The following PDZD2 variants were observed in gnomAD, a reference collection of about 807,000 sequenced individuals.
PDZD2 encodes the protein PDZ domain-containing protein 2.
In PDZD2, 90 loss-of-function variants were observed where a neutral mutation model predicts 220.7. That is an observed-to-expected ratio of 0.41 (90% CI 0.34 to 0.49). The LOEUF is 0.49. Ranked by LOEUF, PDZD2 falls within the 20% of genes least tolerant of loss-of-function variation. The probability of loss-of-function intolerance (pLI) is 0.28; values close to 1 mark genes in which losing one functional copy is unlikely to be tolerated. For missense variants in PDZD2, 3,174 were observed against 3,608.5 expected (o/e 0.88, Z 3.08); for synonymous variants, 1,375 against 1,450.5 (o/e 0.95, Z 1.18).
intron 2 of PDZD2, among the ~76,000 whole-genome samples, chr5:31,878,168 A>G (rs964423766): frequency 2.0e-5 from 3 of 152,144 alleles, no homozygotes; most frequent in African/African-American, 7.2e-5. Context: ...AGCACCTCAC[A>G]TGCTCAGATT....
intron 2 of PDZD2, among the ~76,000 whole-genome samples, chr5:31,819,278 G>A (rs1248002840): frequency 4.6e-5 from 7 of 152,160 alleles, no homozygotes; most frequent in Non-Finnish European, 1.0e-4. Context: ...CAGCTGTATA[G>A]TATCCCACTG....
intron 1 of PDZD2, among the ~76,000 whole-genome samples, chr5:31,705,197 CACACACACACACAT>C (rs774737824): frequency 0.14 from 10,901 of 79,856 alleles, 543 homozygotes; most frequent in South Asian, 0.24. Flanking sequence ...CACACACACA[CACACACACACACAT>C]ACACACTCAC....
Position 31,763,434 on chromosome 5 carries a change from G to A in PDZD2, c.-360-35455G>A, listed in dbSNP as rs148734716. Reference sequence around the variant, plus strand: ...ACCCACAAGAAATAAAGAAACTCATGAACCTCAACAAAATAACCACCTACC... The same window carrying A: ...ACCCACAAGAAATAAAGAAACTCATAAACCTCAACAAAATAACCACCTACC... On this transcript the variant is annotated intron_variant, in intron 1 of 24. Coordinates refer to ENST00000438447, the MANE Select transcript of PDZD2 (RefSeq NM_178140.4). Among the ~76,000 whole-genome samples, 81 of 152,266 alleles carry A rather than the reference G, an allele frequency of 5.3e-4. No individual in the cohort carries two copies. The East Asian group carries it at 0.013, about 25-fold the overall frequency.
At chr5:31,904,229 T>A (rs1435474265) in intron 2 of PDZD2, among the ~76,000 whole-genome samples, 1 of 152,218 alleles carries the variant, frequency 6.6e-6, no homozygotes, top group East Asian at 1.9e-4. Context: ...AAATTACAAG[T>A]TGCTGAAGGT....
intron 1 of PDZD2, among the ~76,000 whole-genome samples, chr5:31,708,706 G>A (rs566944784): frequency 1.7e-4 from 26 of 152,248 alleles, no homozygotes; most frequent in African/African-American, 5.5e-4. Context: ...TGTGCAACAC[G>A]ATGGTCTGAG....
rs201164992 is a variant in PDZD2 at position 31,915,676 on chromosome 5, A to AT, written c.477-67470dup. ...AATTCTGATTTGTGTGTATGTGTTAATTTTTTTTTCAAACACTTAACTCTT... is the reference window on the plus strand; with the variant it reads ...AATTCTGATTTGTGTGTATGTGTTAATTTTTTTTTTCAAACACTTAACTCTT... On this transcript the variant is annotated intron_variant, in intron 2 of 24. Transcript: ENST00000438447. Among the ~76,000 whole-genome samples the AT allele has an allele frequency of 2.2e-4, 34 of 151,686 alleles. No individual in the cohort carries two copies. The East Asian group carries it at 6.4e-3, about 28-fold the overall frequency.
intron 2 of PDZD2, among the ~76,000 whole-genome samples, chr5:31,873,647 C>T (rs763203493): frequency 4.0e-5 from 6 of 151,768 alleles, no homozygotes; most frequent in Non-Finnish European, 7.4e-5. Flanking sequence ...AGCGATCCGC[C>T]TGCCTTGGCC....
At chr5:31,886,696 CTG>C (rs1740514212) in intron 2 of PDZD2, among the ~76,000 whole-genome samples, 3 of 122,878 alleles carry the variant, frequency 2.4e-5, no homozygotes, top group African/African-American at 1.2e-4. Context: ...GCACTTGTCT[CTG>C]TCTCTTTTTT....
chr5:31,997,786 G>A (rs930122921), intron 4 of PDZD2, among the ~76,000 whole-genome samples: 1 of 152,158 alleles, frequency 6.6e-6, no homozygotes, highest in African/African-American at 2.4e-5. Context: ...GGGCATTTTA[G>A]TTAGTAACAG....
chr5:32,059,263 G>C lies in PDZD2; in HGVS notation c.2225G>C (p.Gly742Ala). The C allele has an allele frequency of 6.2e-7, 1 of 1,611,540 alleles. No homozygotes were observed. Among genetic ancestry groups the C allele is most frequent in the Non-Finnish European group, 8.5e-7 (1 of 1,177,638 alleles). Residue 742 changes from glycine (G) to alanine (A), a missense_variant, in exon 13 of 25, where the codon GGT becomes GCT. Physicochemically the swap from Gly to Ala is moderately conservative, Grantham distance 60 (BLOSUM62 0). Around this residue, in one of 4 missense-constraint regions of PDZD2, gnomAD observed 1,861 missense variants for 2,001.0 expected, o/e 0.93. Transcript: ENST00000438447. ...NKEPRVGLGIGACCLALENSP... is the reference protein window; with the variant it reads ...NKEPRVGLGIAACCLALENSP... ...GAGCCAAGAGTTGGATTAGGCATTG[G>C]TGCCTGCTGCTTGGCTCTGGAAAAC...
At chr5:31,724,328 C>T (rs879315113) in intron 1 of PDZD2, among the ~76,000 whole-genome samples, 13 of 152,082 alleles carry the variant, frequency 8.5e-5, no homozygotes, top group Admixed American at 2.6e-4. Flanking sequence ...AAAGGCCGGG[C>T]GCAGTGGCTC....
At position 31,888,686 on chromosome 5, in the gene PDZD2, A is replaced by T. The variant is rs149065395; in HGVS notation, c.476+88962A>T. Among the ~76,000 whole-genome samples the T allele has an allele frequency of 2.6e-5, 4 of 152,328 alleles. No individual in the cohort carries two copies. The East Asian group carries it at 7.7e-4, about 29-fold the overall frequency. On this transcript the variant is annotated intron_variant, in intron 2 of 24. Transcript: ENST00000438447. Reference sequence around the variant, plus strand: ...TTACTATGTCCTAAACACAGAGGGTAATCAATAACCAACTGTTGAGGATGT... The same window carrying T: ...TTACTATGTCCTAAACACAGAGGGTTATCAATAACCAACTGTTGAGGATGT...
intron 3 of PDZD2, among the ~76,000 whole-genome samples, chr5:31,985,156 T>A (rs1034923841): frequency 4.6e-5 from 7 of 152,000 alleles, no homozygotes; most frequent in Non-Finnish European, 8.8e-5. Flanking sequence ...TCTTCCAAAT[T>A]AAGGGCAGTG....
intron 2 of PDZD2, among the ~76,000 whole-genome samples, chr5:31,974,809 T>C (rs1236003305): frequency 2.0e-5 from 3 of 152,110 alleles, no homozygotes; most frequent in South Asian, 2.1e-4. Flanking sequence ...GCCAGCACTT[T>C]GGGAGGCCAA....
In PDZD2 at chr5:31,956,533, T is replaced by C. The variant is rs1483727423; in HGVS notation, c.477-26622T>C. ...CTGCACTCCAGCCTGGGCGACAGAG[T>C]GAGACTCTGTCTCAAAAAAAAAAAA... is the stretch of plus-strand genomic sequence containing the variant. On this transcript the variant is annotated intron_variant, in intron 2 of 24. Coordinates refer to ENST00000438447, the MANE Select transcript of PDZD2 (RefSeq NM_178140.4). 4.7e-4 allele frequency among the ~76,000 whole-genome samples: 54 copies of C among 114,140 alleles called. 1 individual carries two copies. The highest frequency in any genetic ancestry group is 1.1e-3 in the Admixed American group (12 of 11,096). The allele number at this position is 114,140 out of a possible 152,430, so 74.9% of individuals were successfully genotyped here. A position where few individuals can be genotyped will look rare whatever the true frequency, so the allele number is the denominator to read the frequency against.
chr5:31,745,267 A>G (rs1368837718), intron 1 of PDZD2, among the ~76,000 whole-genome samples: 1 of 152,170 alleles, frequency 6.6e-6, no homozygotes, highest in Non-Finnish European at 1.5e-5. Context: ...AAAGGGGTAT[A>G]AAGACCAATA....
Position 32,090,848 on chromosome 5 carries a change from C to A in PDZD2, c.7400C>A (p.Ser2467Tyr). The change falls in exon 20 of 25, where the codon TCC (serine) becomes TAC (tyrosine). Residue 2467 changes from serine (S) to tyrosine (Y), a missense_variant. Coordinates refer to ENST00000438447, the MANE Select transcript of PDZD2 (RefSeq NM_178140.4). The surrounding 1 kb of genome is among the most constrained non-coding windows in gnomAD (Gnocchi z 4.3). ...TLASPVKRNK[S>Y]SVRHTQPSPV... ...GCTTCTCCTGTTAAGAGGAACAAGT[C>A]CTCGGTACGCCACACGCAGCCCTCG... 1 of 1,614,086 alleles carries A rather than the reference C, an allele frequency of 6.2e-7. No homozygotes were observed. Among genetic ancestry groups the A allele is most frequent in the Non-Finnish European group, 8.5e-7 (1 of 1,180,018 alleles).
intron 1 of PDZD2, among the ~76,000 whole-genome samples, chr5:31,689,202 G>A (rs111740152): frequency 8.3e-4 from 126 of 151,230 alleles, no homozygotes; most frequent in Non-Finnish European, 1.6e-3. Context: ...CTGAGTAGCT[G>A]GGATTACAGG....
chr5:32,054,650 A>G (rs1044068811), intron 10 of PDZD2, among the ~76,000 whole-genome samples: 1 of 152,058 alleles, frequency 6.6e-6, no homozygotes, highest in African/African-American at 2.4e-5. Context: ...TTAATTCTCA[A>G]TAGCACCTGC....
Sources: allele counts gnomAD v4.1 joint callset (sites outside exome capture counted in the v4.1 genomes callset), GRCh38; gene constraint gnomAD v4.1.1; regional missense constraint gnomAD v4.1.1; non-coding constraint Gnocchi (gnomAD v3.1); transcripts MANE v1.5; gene names NCBI Gene and HGNC (gene_info 2026-07-23, HGNC 2026-07-21).